CCDC3: variants seen among roughly 807,000 people sequenced by gnomAD.
The protein encoded by CCDC3 is coiled-coil domain containing 3.
CCDC3 carries 24 observed loss-of-function variants against 21.4 expected under a neutral mutation model. That is an observed-to-expected ratio of 1.12 (90% CI 0.81 to 1.58). The LOEUF (loss-of-function observed/expected upper bound fraction) is 1.58. Ranked by LOEUF, CCDC3 falls within the 40% of genes most tolerant of loss-of-function variation. The probability of loss-of-function intolerance (pLI) is 0.00; values close to 1 mark genes in which losing one functional copy is unlikely to be tolerated. For synonymous variants in CCDC3, 186 were observed against 166.0 expected, an observed-to-expected ratio of 1.12 and a Z score of -0.93; for missense variants, 425 against 360.9, an observed-to-expected ratio of 1.18 and a Z score of -1.44.
intron 5 of CCDC3, among the ~76,000 whole-genome samples, chr10:13,007,006 C>T (rs1282988999): frequency 2.0e-5 from 3 of 152,166 alleles, no homozygotes; most frequent in African/African-American, 7.2e-5. Context: ...ATGCCCCTCC[C>T]GACCTTTACG....
intron 1 of CCDC3, among the ~76,000 whole-genome samples, chr10:13,000,962 G>A (rs140654498): frequency 1.3e-5 from 2 of 152,196 alleles, no homozygotes; most frequent in African/African-American, 4.8e-5. Context: ...TGTGTACAAG[G>A]CACAGAAACC....
intron 2 of CCDC3, among the ~76,000 whole-genome samples, chr10:12,988,254 T>G (rs1835627583): frequency 6.6e-6 from 1 of 152,228 alleles, no homozygotes; most frequent in Admixed American, 6.5e-5. Context: ...CTGCCTGGCA[T>G]GCTTTTCTGC....
chr10:13,054,772 T>C (rs1836659715), intron 4 of CCDC3, among the ~76,000 whole-genome samples: 1 of 152,070 alleles, frequency 6.6e-6, no homozygotes, highest in South Asian at 2.1e-4. Context: ...GTTCAAATGA[T>C]TCTCTTGCTT....
intron 5 of CCDC3, among the ~76,000 whole-genome samples, chr10:13,019,392 A>G (rs1325551401): frequency 1.3e-5 from 2 of 152,210 alleles, no homozygotes; most frequent in African/African-American, 2.4e-5. Flanking sequence ...AAAAAGTCCA[A>G]CTGGTTCATT....
intron 5 of CCDC3, among the ~76,000 whole-genome samples, chr10:13,034,251 C>T (rs1438558354): frequency 6.8e-6 from 1 of 147,432 alleles, no homozygotes; most frequent in East Asian, 2.0e-4. Context: ...GGCAGAAAAC[C>T]AAACACTGCA....
At chr10:12,964,170 C>T (rs1034516271) in intron 2 of CCDC3, among the ~76,000 whole-genome samples, 26 of 151,956 alleles carry the variant, frequency 1.7e-4, no homozygotes, top group Non-Finnish European at 3.2e-4. Flanking sequence ...GTCGGGAGTT[C>T]GAGACCAGCC....
intron 2 of CCDC3, among the ~76,000 whole-genome samples, chr10:12,961,082 G>A (rs1030686373): frequency 1.3e-5 from 2 of 152,158 alleles, no homozygotes; most frequent in Admixed American, 1.3e-4. Context: ...CCGAGGTGTC[G>A]TCAGGGAGCA....
At chr10:12,980,577 T>C (rs1157678646) in intron 2 of CCDC3, among the ~76,000 whole-genome samples, 2 of 152,146 alleles carry the variant, frequency 1.3e-5, no homozygotes, top group Admixed American at 6.5e-5. Flanking sequence ...TAAGCAAAGA[T>C]AATGTCTTCT....
intron 2 of CCDC3, among the ~76,000 whole-genome samples, chr10:12,899,779 G>A (rs1490359946): frequency 1.3e-5 from 2 of 152,244 alleles, no homozygotes; most frequent in Admixed American, 6.5e-5. Context: ...GGGAGCATAT[G>A]CAAGAAACGG....
chr10:12,991,896 G>T (rs1306592975), intron 2 of CCDC3, among the ~76,000 whole-genome samples: 1 of 152,104 alleles, frequency 6.6e-6, no homozygotes, highest in African/African-American at 2.4e-5. Context: ...TATGGACAAA[G>T]GCCTTGTTTT....
intron 5 of CCDC3, among the ~76,000 whole-genome samples, chr10:13,048,216 G>A (rs983205731): frequency 2.0e-5 from 3 of 151,300 alleles, no homozygotes; most frequent in South Asian, 2.1e-4. Context: ...TTTTTTAGAC[G>A]GAGTCTCGCT....
intron 5 of CCDC3, among the ~76,000 whole-genome samples, chr10:13,014,461 A>G (rs1564320475): frequency 1.1e-4 from 7 of 61,000 alleles, no homozygotes; most frequent in Non-Finnish European, 3.1e-4. Context: ...AAAAAAAGAA[A>G]AAAAAAAAAG....
At chr10:13,031,757 C>T (rs1836306473) in intron 5 of CCDC3, among the ~76,000 whole-genome samples, 1 of 152,152 alleles carries the variant, frequency 6.6e-6, no homozygotes, top group Admixed American at 6.6e-5. Flanking sequence ...CAGATAAATT[C>T]CTGGACACAT....
At chr10:12,931,175 C>A (rs1054334445) in intron 2 of CCDC3, among the ~76,000 whole-genome samples, 1 of 136,232 alleles carries the variant, frequency 7.3e-6, no homozygotes. Flanking sequence ...CATGCCACTG[C>A]ACTCCAGCCT....
intron 2 of CCDC3, among the ~76,000 whole-genome samples, chr10:12,970,797 G>C (rs1437258785): frequency 1.3e-5 from 2 of 151,840 alleles, no homozygotes; most frequent in Admixed American, 1.3e-4. Flanking sequence ...GAGTGAGGCA[G>C]GAGAATCACT....
At chr10:12,910,713 G>A (rs751205157) in intron 2 of CCDC3, among the ~76,000 whole-genome samples, 2 of 150,698 alleles carry the variant, frequency 1.3e-5, no homozygotes, top group Admixed American at 6.6e-5. Flanking sequence ...GAGTTCAAGC[G>A]ATTCTCCTGC....
chr10:13,053,679 C>T (rs1836641858), intron 4 of CCDC3, among the ~76,000 whole-genome samples: 1 of 152,200 alleles, frequency 6.6e-6, no homozygotes, highest in African/African-American at 2.4e-5. Context: ...TTGGAGGGCA[C>T]ATTTGTTTCA....
chr10:12,920,813 A>C (rs552637051), intron 2 of CCDC3, among the ~76,000 whole-genome samples: 2 of 152,340 alleles, frequency 1.3e-5, no homozygotes, highest in Admixed American at 6.5e-5. Flanking sequence ...CAAGTGAAGG[A>C]GCTTGAATTG....
chr10:13,075,380 T>C (rs1836950320), intron 3 of CCDC3, among the ~76,000 whole-genome samples: 3 of 152,198 alleles, frequency 2.0e-5, no homozygotes, highest in Non-Finnish European at 4.4e-5. Flanking sequence ...TAATAAGTGA[T>C]TGATATCTGA....
Sources: allele counts gnomAD v4.1 joint callset (sites outside exome capture counted in the v4.1 genomes callset), GRCh38; gene constraint gnomAD v4.1.1; transcripts MANE v1.5; gene names NCBI Gene and HGNC (gene_info 2026-07-23, HGNC 2026-07-21).